Variants in ST8SIA4 observed in about 807,000 individuals in gnomAD.
ST8SIA4 encodes the protein CMP-N-acetylneuraminate-poly-alpha-2,8-sialyltransferase.
In ST8SIA4, 15 loss-of-function variants were observed where a neutral mutation model predicts 33.9. The ratio of observed to expected loss-of-function variants is 0.44; its 90% CI spans 0.30 to 0.68. The LOEUF (loss-of-function observed/expected upper bound fraction) is 0.68. Among genes scored for constraint, ST8SIA4 ranks in the 30% least tolerant of loss-of-function variants. ST8SIA4 has a pLI of 0.10. For missense variants in ST8SIA4, 321 were observed against 428.0 expected, an observed-to-expected ratio of 0.75 and a Z score of 2.21; for synonymous variants, 171 against 151.2, an observed-to-expected ratio of 1.13 and a Z score of -0.96.
At chr5:100,887,946 A>G (rs775440209) in intron 2 of ST8SIA4, among the ~76,000 whole-genome samples, 3 of 152,012 alleles carry the variant, frequency 2.0e-5, no homozygotes, top group Non-Finnish European at 4.4e-5. Flanking sequence ...CTGTAACCCC[A>G]ATCAGCAAGA....
At chr5:100,885,437 A>T (rs1752514502) in intron 3 of ST8SIA4, 2 of 935,226 alleles carry the variant, frequency 2.1e-6, no homozygotes, top group African/African-American at 1.8e-5. Flanking sequence ...GACTTTATTT[A>T]AAAATATTCA....
intron 4 of ST8SIA4, among the ~76,000 whole-genome samples, chr5:100,815,129 A>C (rs1484671269): frequency 6.6e-6 from 1 of 151,826 alleles, no homozygotes; most frequent in East Asian, 1.9e-4. Context: ...TCAAACAATA[A>C]TTTAGTTTAT....
intron 4 of ST8SIA4, among the ~76,000 whole-genome samples, chr5:100,855,771 C>A (rs1751801729): frequency 6.6e-6 from 1 of 152,126 alleles, no homozygotes; most frequent in Non-Finnish European, 1.5e-5. Context: ...CCATTCAGCA[C>A]TTCTGTTGTA....
chr5:100,902,530 C>T (rs1752943199), intron 1 of ST8SIA4, among the ~76,000 whole-genome samples: 1 of 152,120 alleles, frequency 6.6e-6, no homozygotes, highest in South Asian at 2.1e-4. Flanking sequence ...TGAGTTCTGC[C>T]CACAGATTAA....
intron 4 of ST8SIA4, among the ~76,000 whole-genome samples, chr5:100,818,348 T>C (rs1268373360): frequency 1.3e-5 from 2 of 152,146 alleles, no homozygotes; most frequent in Non-Finnish European, 2.9e-5. Context: ...TTTTTTTCTA[T>C]GTGTGAAGCT....
At chr5:100,812,858 G>A (rs1002671938) in intron 4 of ST8SIA4, among the ~76,000 whole-genome samples, 3 of 152,032 alleles carry the variant, frequency 2.0e-5, no homozygotes, top group Non-Finnish European at 4.4e-5. Context: ...TGAAAAGCAC[G>A]CAAACTCACA....
At chr5:100,877,063 T>C (rs1752321734) in intron 3 of ST8SIA4, among the ~76,000 whole-genome samples, 1 of 152,126 alleles carries the variant, frequency 6.6e-6, no homozygotes, top group African/African-American at 2.4e-5. Context: ...GGAGTTACTG[T>C]ACTAATTAGT....
At chr5:100,901,786 G>C (rs1752923083) in intron 1 of ST8SIA4, among the ~76,000 whole-genome samples, 1 of 152,164 alleles carries the variant, frequency 6.6e-6, no homozygotes, top group Admixed American at 6.5e-5. Context: ...CTAGGGAGCA[G>C]GAATATTAAG....
chr5:100,813,343 T>C (rs1478459098), intron 4 of ST8SIA4, among the ~76,000 whole-genome samples: 34 of 152,056 alleles, frequency 2.2e-4, no homozygotes, highest in Non-Finnish European at 5.9e-5. Flanking sequence ...TTGTCTTTCA[T>C]TTTCTCCCTT....
intron 4 of ST8SIA4, among the ~76,000 whole-genome samples, chr5:100,824,397 G>A (rs1298915461): frequency 1.3e-5 from 2 of 152,064 alleles, no homozygotes; most frequent in African/African-American, 2.4e-5. Context: ...ACCTCACATT[G>A]TATCTCTAAT....
intron 3 of ST8SIA4, among the ~76,000 whole-genome samples, chr5:100,879,113 A>G (rs1192149789): frequency 1.3e-5 from 2 of 152,224 alleles, no homozygotes; most frequent in Non-Finnish European, 2.9e-5. Flanking sequence ...TGCCTTCACT[A>G]AGATGCTTAT....
chr5:100,885,126 C>G (rs1580481806), intron 3 of ST8SIA4, among the ~76,000 whole-genome samples: 1 of 151,080 alleles, frequency 6.6e-6, no homozygotes, highest in Non-Finnish European at 1.5e-5. Flanking sequence ...CTGATTTCCA[C>G]TTCCATTGCC....
At chr5:100,863,603 A>G (rs968622636) in intron 3 of ST8SIA4, among the ~76,000 whole-genome samples, 2 of 152,214 alleles carry the variant, frequency 1.3e-5, no homozygotes, top group Admixed American at 1.3e-4. Flanking sequence ...TGTACCCAGT[A>G]TGAACAACTA....
chr5:100,869,321 C>A (rs1181266684), intron 3 of ST8SIA4, among the ~76,000 whole-genome samples: 3 of 152,162 alleles, frequency 2.0e-5, no homozygotes, highest in Non-Finnish European at 4.4e-5. Flanking sequence ...TACTTTAAAT[C>A]AAAAACTCTA....
In ST8SIA4 at chr5:100,871,373, A is replaced by G. The variant is rs1351355581; in HGVS notation, c.503+14970T>C. ...ATCCCTACTTTTAGGAATATAGATT[A>G]TCATTAAATAATATATCTTTACCAT... On this transcript the variant is annotated intron_variant, in intron 3 of 4. Coordinates refer to ENST00000231461, the MANE Select transcript of ST8SIA4 (RefSeq NM_005668.6). Among the ~76,000 whole-genome samples the G allele has an allele frequency of 5.3e-5, 8 of 152,114 alleles. No individual in the cohort carries two copies. The South Asian group carries it at 1.7e-3, about 31-fold the overall frequency.
At chr5:100,886,219 G>C in intron 3 of ST8SIA4, 124 bp downstream of exon 3, 1 of 1,464,458 alleles carries the variant, frequency 6.8e-7, no homozygotes, top group Non-Finnish European at 9.0e-7. Flanking sequence ...GCACAGAAAA[G>C]GATATCATAG....
chr5:100,889,576 G>T (rs141741111), intron 2 of ST8SIA4, among the ~76,000 whole-genome samples: 2 of 152,018 alleles, frequency 1.3e-5, no homozygotes, highest in African/African-American at 4.8e-5. Context: ...TCCAATAACA[G>T]CACCTTTGCT....
chr5:100,863,770 C>T (rs942863165), intron 3 of ST8SIA4, among the ~76,000 whole-genome samples: 1 of 152,080 alleles, frequency 6.6e-6, no homozygotes, highest in Non-Finnish European at 1.5e-5. Context: ...TAAATGTAAT[C>T]TAAAATACAA....
chr5:100,886,428 T>G lies in ST8SIA4; in HGVS notation c.418A>C (p.Lys140Gln), dbSNP rs771474148. 6.2e-7 allele frequency: 1 copy of G among 1,613,984 alleles called. No homozygotes were observed. The highest frequency in any genetic ancestry group is 8.5e-7 in the Non-Finnish European group (1 of 1,179,852). ...GAATTTCCAACAACTGCACAGGTCT[T>G]AAACCTGCGATTCTTCATTGGTGAA... is the stretch of plus-strand genomic sequence containing the variant. ...EVSPMKNRRF[K>Q]TCAVVGNSGI... Residue 140 changes from lysine (K) to glutamine (Q), a missense_variant, in exon 3 of 5, where the codon AAG becomes CAG. Coordinates refer to ENST00000231461, the MANE Select transcript of ST8SIA4 (RefSeq NM_005668.6).
Sources: gnomAD v4.1 joint callset for allele counts (sites outside exome capture counted in the v4.1 genomes callset) on GRCh38, gnomAD v4.1.1 for gene constraint, MANE v1.5 for transcripts, NCBI Gene and HGNC (gene_info 2026-07-23, HGNC 2026-07-21) for gene names.